The following KCNMB2 variants were observed in gnomAD, a reference collection of about 807,000 sequenced individuals.
KCNMB2 encodes calcium-activated potassium channel subunit beta-2.
A neutral mutation model predicts 24.5 loss-of-function variants in KCNMB2; 9 were observed. The ratio of observed to expected loss-of-function variants is 0.37; its 90% confidence interval spans 0.22 to 0.64. The LOEUF is 0.64. Ranked by LOEUF, KCNMB2 falls within the 30% of genes least tolerant of loss-of-function variation. The pLI is 0.63. For missense variants in KCNMB2, 226 were observed against 284.3 expected (o/e 0.79, Z 1.47); for synonymous variants, 109 against 104.4 (o/e 1.04, Z -0.27).
At chr3:178,810,959 A>G (rs1304840052) in intron 2 of KCNMB2, among the ~76,000 whole-genome samples, 6 of 119,722 alleles carry the variant, frequency 5.0e-5, no homozygotes, top group African/African-American at 2.0e-4. Context: ...TCACCATGTT[A>G]GCCAGGATGG....
intron 1 of KCNMB2, among the ~76,000 whole-genome samples, chr3:178,682,140 T>C (rs1255083733): frequency 6.6e-6 from 1 of 152,108 alleles, no homozygotes. Context: ...GGACATGGAG[T>C]ATACATGAGT....
intron 1 of KCNMB2, among the ~76,000 whole-genome samples, chr3:178,649,626 A>T (rs774909663): frequency 6.6e-6 from 1 of 151,958 alleles, no homozygotes. Context: ...GAATGTATCC[A>T]TTTCTTCTAG....
intron 1 of KCNMB2, among the ~76,000 whole-genome samples, chr3:178,586,877 G>C (rs184841044): frequency 8.6e-5 from 13 of 151,948 alleles, no homozygotes; most frequent in African/African-American, 3.1e-4. Context: ...GTGGTTTCTC[G>C]GTTTGATGTC....
At chr3:178,588,669 T>C (rs572890264) in intron 1 of KCNMB2, among the ~76,000 whole-genome samples, 29 of 152,300 alleles carry the variant, frequency 1.9e-4, no homozygotes, top group African/African-American at 6.0e-4. Flanking sequence ...ATATCACATA[T>C]TGTATATAAA....
chr3:178,720,094 A>T (rs1351106156), intron 1 of KCNMB2, among the ~76,000 whole-genome samples: 1 of 152,014 alleles, frequency 6.6e-6, no homozygotes, highest in Non-Finnish European at 1.5e-5. Flanking sequence ...CTCGTCATTT[A>T]GCATTAGGTA....
intron 1 of KCNMB2, among the ~76,000 whole-genome samples, chr3:178,579,433 A>C (rs1408269147): frequency 6.6e-6 from 1 of 152,100 alleles, no homozygotes; most frequent in Non-Finnish European, 1.5e-5. Flanking sequence ...ATCTAAAATC[A>C]AGACCCTAAA....
chr3:178,572,947 C>A (rs991535921), intron 1 of KCNMB2, among the ~76,000 whole-genome samples: 1 of 151,940 alleles, frequency 6.6e-6, no homozygotes, highest in Non-Finnish European at 1.5e-5. Context: ...CGAATTCATA[C>A]AGTAAATATT....
intron 1 of KCNMB2, among the ~76,000 whole-genome samples, chr3:178,614,297 G>GTATATATATATATATATATA (rs1718620687): frequency 5.5e-5 from 3 of 54,594 alleles, no homozygotes; most frequent in African/African-American, 2.1e-4. Flanking sequence ...ATATATATAT[G>GTATATATATATATATATATA]TATGTATATA....
chr3:178,708,525 G>A (rs1722351543), intron 1 of KCNMB2, among the ~76,000 whole-genome samples: 1 of 152,132 alleles, frequency 6.6e-6, no homozygotes, highest in African/African-American at 2.4e-5. Flanking sequence ...TCTGATGGCA[G>A]AGCTTATACT....
At chr3:178,737,219 G>A (rs1314374060) in intron 1 of KCNMB2, among the ~76,000 whole-genome samples, 5 of 152,048 alleles carry the variant, frequency 3.3e-5, no homozygotes, top group South Asian at 2.1e-4. Context: ...GCAGTGAGCC[G>A]AGATGTGCCA....
chr3:178,731,084 G>A (rs1723135389), intron 1 of KCNMB2, among the ~76,000 whole-genome samples: 1 of 151,536 alleles, frequency 6.6e-6, no homozygotes. Context: ...TTTATTAAAA[G>A]ATGGCTTTTA....
At chr3:178,839,427 C>T (rs1398526640) in intron 4 of KCNMB2, among the ~76,000 whole-genome samples, 2 of 151,850 alleles carry the variant, frequency 1.3e-5, no homozygotes, top group African/African-American at 4.8e-5. Context: ...GATTTAAAGC[C>T]AGGTGGGGGT....
chr3:178,612,743 T>C (rs1191113233), intron 1 of KCNMB2, among the ~76,000 whole-genome samples: 1 of 152,156 alleles, frequency 6.6e-6, no homozygotes, highest in Non-Finnish European at 1.5e-5. Context: ...TTTAATATTA[T>C]TATTGATAAG....
At chr3:178,730,238 C>A (rs1723099406) in intron 1 of KCNMB2, among the ~76,000 whole-genome samples, 2 of 152,196 alleles carry the variant, frequency 1.3e-5, no homozygotes, top group Non-Finnish European at 2.9e-5. Flanking sequence ...GCCCTATGAT[C>A]TGCAAATTAT....
intron 1 of KCNMB2, among the ~76,000 whole-genome samples, chr3:178,793,566 C>T (rs1391410311): frequency 6.6e-6 from 1 of 151,804 alleles, no homozygotes; most frequent in Non-Finnish European, 1.5e-5. Flanking sequence ...TGCTTCCAGC[C>T]AGCCCAGTCT....
At chr3:178,558,206 T>A (rs922972264) in intron 1 of KCNMB2, among the ~76,000 whole-genome samples, 1 of 152,196 alleles carries the variant, frequency 6.6e-6, no homozygotes, top group Non-Finnish European at 1.5e-5. Context: ...GCCCATACAA[T>A]ACACAGATAA....
Position 178,729,214 on chromosome 3 carries a change from G to T in KCNMB2, c.-67-78129G>T, listed in dbSNP as rs138803894. On this transcript the variant is annotated intron_variant, in intron 1 of 4. Coordinates refer to ENST00000452583, the MANE Select transcript of KCNMB2 (RefSeq NM_181361.3). ...CAGTACTGTATTTTTATCAAAAACG[G>T]ACTCAATTTTGACACAGAGTAAGTT... 3.9e-5 allele frequency: 6 copies of T among 152,302 alleles called. No individual in the cohort carries two copies. In the East Asian group the frequency reaches 1.2e-3, roughly 29 times the overall value. 9.4% of individuals were successfully genotyped at this position (152,302 alleles called of 1,614,324 possible). A position where few individuals can be genotyped will look rare whatever the true frequency, so the allele number is the denominator to read the frequency against.
In KCNMB2 at chr3:178,828,336, T is replaced by A; in HGVS notation, c.386T>A (p.Leu129His). The A allele has an allele frequency of 6.2e-7, 1 of 1,613,926 alleles. No individual in the cohort carries two copies. Among genetic ancestry groups the A allele is most frequent in the Non-Finnish European group, 8.5e-7 (1 of 1,179,890 alleles). The change falls in exon 4 of 5, where the codon CTC becomes CAC. Residue 129 changes from leucine to histidine, a missense_variant. Physicochemically the swap from Leu to His is moderately conservative, Grantham distance 99. Transcript: ENST00000452583. The stretch of plus-strand genomic sequence containing the variant: ...ACTTCTTCCGGGGAAAAGCTCCTCC[T>A]CTACCACACAGAAGAGACAATAAAA... ...NLTSSGEKLLLYHTEETIKIN... is the reference protein window; with the variant it reads ...NLTSSGEKLLHYHTEETIKIN...
chr3:178,793,514 T>TGGC lies in KCNMB2; in HGVS notation c.-67-13827_-67-13826insCGG, dbSNP rs1553778497. On this transcript the variant is annotated intron_variant, in intron 1 of 4. Coordinates refer to ENST00000452583, the MANE Select transcript of KCNMB2 (RefSeq NM_181361.3). Reference sequence around the variant, plus strand: ...ACCAAGCGGAAGCTGCTCTTCACCCTGGGGGGGTGGGCAATGGACAGCAGA... The same window carrying TGGC: ...ACCAAGCGGAAGCTGCTCTTCACCCTGGCGGGGGGGTGGGCAATGGACAGCAGA... Among the ~76,000 whole-genome samples, 14 of 145,730 alleles carry TGGC rather than the reference T, an allele frequency of 9.6e-5. 1 individual carries two copies. Among genetic ancestry groups the TGGC allele is most frequent in the Admixed American group, 2.1e-4 (3 of 14,430 alleles).
Sources: allele counts gnomAD v4.1 joint callset (sites outside exome capture counted in the v4.1 genomes callset), GRCh38; gene constraint gnomAD v4.1.1; transcripts MANE v1.5; gene names NCBI Gene and HGNC (gene_info 2026-07-23, HGNC 2026-07-21).